The following SARNP variants were observed in gnomAD, a reference collection of about 807,000 sequenced individuals.
SARNP encodes the protein SAP domain containing ribonucleoprotein.
In SARNP, 5 loss-of-function variants were observed where a neutral mutation model predicts 38.1. The ratio of observed to expected loss-of-function variants is 0.13; its 90% confidence interval spans 0.07 to 0.28. SARNP has a LOEUF of 0.28. Ranked by LOEUF, SARNP falls within the 10% of genes least tolerant of loss-of-function variation. The probability of loss-of-function intolerance (pLI) is 1.00; values close to 1 mark genes in which losing one functional copy is unlikely to be tolerated. For missense variants in SARNP, 180 were observed against 243.9 expected (o/e 0.74, Z 1.75); for synonymous variants, 84 against 80.6 (o/e 1.04, Z -0.23).
intron 9 of SARNP, among the ~76,000 whole-genome samples, chr12:55,785,679 G>C (rs1879470248): frequency 6.6e-6 from 1 of 151,802 alleles, no homozygotes; most frequent in Non-Finnish European, 1.5e-5. Flanking sequence ...GGAGGGTGAG[G>C]TGGGAAAAAT....
At chr12:55,760,698 G>GGA in intron 9 of SARNP, 58 bp from the exon 10 acceptor site, 4 of 1,162,444 alleles carry the variant, frequency 3.4e-6, no homozygotes, top group Non-Finnish European at 5.2e-6. Context: ...CCAAGTAAAT[G>GGA]GGAATGAAAT....
chr12:55,817,644 GC>G (rs1880538589), intron 1 of SARNP, 21 bp downstream of exon 1: 1 of 1,609,516 alleles, frequency 6.2e-7, no homozygotes, highest in South Asian at 1.1e-5. Context: ...GTCCAACTCA[GC>G]CCTTCCCCGA....
At chr12:55,803,780 G>A in intron 1 of SARNP, 52 bp from the exon 2 acceptor site, 3 of 1,176,718 alleles carry the variant, frequency 2.5e-6, no homozygotes, top group Non-Finnish European at 2.5e-6. Context: ...GAACACCAGT[G>A]AATAAAATGG....
intron 7 of SARNP, among the ~76,000 whole-genome samples, chr12:55,791,651 C>T (rs574994951): frequency 3.9e-5 from 6 of 152,046 alleles, no homozygotes; most frequent in Admixed American, 1.3e-4. Context: ...GCTGAGATGG[C>T]GCCACTGTGC....
chr12:55,801,473 G>C (rs568434107), intron 2 of SARNP, among the ~76,000 whole-genome samples: 1 of 152,012 alleles, frequency 6.6e-6, no homozygotes, highest in African/African-American at 2.4e-5. Context: ...ATGTGGAAAA[G>C]TATCTTTGAG....
At chr12:55,815,684 G>A (rs1482370785) in intron 1 of SARNP, among the ~76,000 whole-genome samples, 4 of 151,902 alleles carry the variant, frequency 2.6e-5, no homozygotes, top group Non-Finnish European at 5.9e-5. Flanking sequence ...GGCTGGTCTC[G>A]AACTCCTGGC....
chr12:55,799,063 CGTGT>C (rs1879901811), intron 4 of SARNP, among the ~76,000 whole-genome samples: 2 of 152,082 alleles, frequency 1.3e-5, no homozygotes, highest in South Asian at 2.1e-4. Flanking sequence ...TGTGTGTATA[CGTGT>C]ATCTATATAT....
intron 1 of SARNP, among the ~76,000 whole-genome samples, chr12:55,808,867 A>T (rs186112038): frequency 6.6e-6 from 1 of 152,346 alleles, no homozygotes; most frequent in Admixed American, 6.5e-5. Flanking sequence ...GCAGAACTAA[A>T]ACCTTTTAAA....
chr12:55,760,077 C>T (rs1878628678), intron 10 of SARNP, among the ~76,000 whole-genome samples: 5 of 152,152 alleles, frequency 3.3e-5, no homozygotes, highest in Admixed American at 3.3e-4. Context: ...TGATTCCAAA[C>T]GTTATACTCT....
At chr12:55,788,951 C>G in intron 9 of SARNP, 124 bp downstream of exon 9, 4 of 688,454 alleles carry the variant, frequency 5.8e-6, no homozygotes, top group South Asian at 5.2e-5. Context: ...GACAGTCAAT[C>G]AAGTATGTGA....
intron 9 of SARNP, 142 bp from the exon 10 acceptor site, chr12:55,760,782 A>C: frequency 3.2e-6 from 2 of 631,126 alleles, no homozygotes; most frequent in East Asian, 2.6e-5. Context: ...GATAAGATAC[A>C]TAAGAAACTG....
chr12:55,757,973 T>C lies in SARNP; in HGVS notation c.592-420A>G, dbSNP rs957083405. On this transcript the variant is annotated intron_variant, in intron 10 of 10. Transcript: ENST00000336133. ...ATAAAGGATTAACCAATGCTATTCA[T>C]AGAGGTGAAGGAGATGCCCTTCTGA... is the stretch of plus-strand genomic sequence containing the variant. Among the ~76,000 whole-genome samples the C allele has an allele frequency of 5.3e-5, 8 of 152,154 alleles. No individual in the cohort carries two copies. The East Asian group carries it at 5.8e-4, about 11-fold the overall frequency.
At position 55,796,015 on chromosome 12, in the gene SARNP, G is replaced by C. The variant is rs757080650; in HGVS notation, c.303+10C>G. 6.3e-7 allele frequency: 1 copy of C among 1,586,630 alleles called. No homozygotes were observed. Among genetic ancestry groups the C allele is most frequent in the South Asian group, 1.1e-5 (1 of 90,348 alleles). Reference sequence around the variant, plus strand: ...GTAGAGACTGTTCTACTAGGGAGCAGAATACCTACCTCAGTCTGTGGTATT... The same window carrying C: ...GTAGAGACTGTTCTACTAGGGAGCACAATACCTACCTCAGTCTGTGGTATT... On this transcript the variant is annotated intron_variant, in intron 5 of 10. Transcript: ENST00000336133.
chr12:55,783,592 T>G (rs1879402366), intron 9 of SARNP, among the ~76,000 whole-genome samples: 3 of 146,914 alleles, frequency 2.0e-5, no homozygotes, highest in African/African-American at 5.1e-5. Context: ...TGGGGGGAGG[T>G]GGGAGGAGGT....
chr12:55,797,006 G>C (rs1360960966), intron 4 of SARNP, among the ~76,000 whole-genome samples: 1 of 152,132 alleles, frequency 6.6e-6, no homozygotes, highest in African/African-American at 2.4e-5. Flanking sequence ...GGGAGACAAA[G>C]TTCGGAAGTA....
At chr12:55,785,045 A>G (rs1358912570) in intron 9 of SARNP, among the ~76,000 whole-genome samples, 1 of 152,206 alleles carries the variant, frequency 6.6e-6, no homozygotes, top group Non-Finnish European at 1.5e-5. Context: ...AGAAATTGAA[A>G]ATGTTAAGAA....
downstream of SARNP, chr12:55,755,630 AC>A (rs1332276948): frequency 1.3e-5 from 2 of 152,296 alleles, no homozygotes; most frequent in East Asian, 3.9e-4. Flanking sequence ...CTATTTTAAA[AC>A]TGAATTGGGA....
intron 9 of SARNP, among the ~76,000 whole-genome samples, chr12:55,781,211 T>C (rs1196723998): frequency 1.3e-5 from 2 of 152,184 alleles, no homozygotes; most frequent in Admixed American, 6.5e-5. Context: ...ATCTGTACTT[T>C]GAATTGACTT....
chr12:55,802,443 C>T (rs994583565), intron 2 of SARNP, among the ~76,000 whole-genome samples: 1 of 151,862 alleles, frequency 6.6e-6, no homozygotes, highest in Non-Finnish European at 1.5e-5. Flanking sequence ...CTAAAACTTT[C>T]TGAAGGCTGA....
Sources: gnomAD v4.1 joint callset for allele counts (sites outside exome capture counted in the v4.1 genomes callset) on GRCh38, gnomAD v4.1.1 for gene constraint, MANE v1.5 for transcripts, NCBI Gene and HGNC (gene_info 2026-07-23, HGNC 2026-07-21) for gene names.